Variants in C1orf21 observed in about 807,000 individuals in gnomAD.
The protein encoded by C1orf21 is uncharacterized protein C1orf21.
A neutral mutation model predicts 18.7 loss-of-function variants in C1orf21; 3 were observed. The observed-to-expected ratio is 0.16, with a 90% CI of 0.07 to 0.42. C1orf21 has a LOEUF of 0.42. C1orf21 is among the 10% of genes least tolerant of loss of function. The probability of loss-of-function intolerance (pLI) is 0.99; values close to 1 mark genes in which losing one functional copy is unlikely to be tolerated. For missense variants in C1orf21, 104 were observed against 143.6 expected, an observed-to-expected ratio of 0.72 and a Z score of 1.41; for synonymous variants, 41 against 46.4, an observed-to-expected ratio of 0.88 and a Z score of 0.47.
chr1:184,411,381 C>G (rs935567299), intron 1 of C1orf21, among the ~76,000 whole-genome samples: 3 of 150,674 alleles, frequency 2.0e-5, no homozygotes, highest in South Asian at 2.1e-4. Flanking sequence ...TTCCTTAAGC[C>G]AACGTAATGA....
Position 184,489,915 on chromosome 1 carries a change from T to C in C1orf21, c.94+12312T>C, listed in dbSNP as rs530284380. Among the ~76,000 whole-genome samples, 4 of 152,364 alleles carry C rather than the reference T, an allele frequency of 2.6e-5. No homozygotes were observed. In the South Asian group the frequency reaches 8.3e-4, roughly 32 times the overall value. ...TCTTCTTTGTATTTTTCTGTGTGTCTTGAATCTTTTATGTTTAACATTTAT... is the reference window on the plus strand; with the variant it reads ...TCTTCTTTGTATTTTTCTGTGTGTCCTGAATCTTTTATGTTTAACATTTAT... On this transcript the variant is annotated intron_variant, in intron 2 of 5. Transcript: ENST00000235307.
At chr1:184,445,498 G>A (rs1256172098) in intron 1 of C1orf21, among the ~76,000 whole-genome samples, 2 of 125,262 alleles carry the variant, frequency 1.6e-5, no homozygotes, top group African/African-American at 6.1e-5. Context: ...TTTTTTACCT[G>A]ATTCGACTAC....
Position 184,504,794 on chromosome 1 carries a change from T to A in C1orf21, c.95-2794T>A, listed in dbSNP as rs187754093. 5.6e-3 allele frequency among the ~76,000 whole-genome samples: 850 copies of A among 152,322 alleles called. 6 individuals are homozygous for A. The highest frequency in any genetic ancestry group is 7.8e-3 in the Non-Finnish European group (532 of 68,022). On this transcript the variant is annotated intron_variant, in intron 2 of 5. Transcript: ENST00000235307. Reference sequence around the variant, plus strand: ...GTCTGGCTTTGTAGTCGTGGCTGTTTGTTTTCTCTTCCTTTGTATCCAATC... The same window carrying A: ...GTCTGGCTTTGTAGTCGTGGCTGTTAGTTTTCTCTTCCTTTGTATCCAATC...
At chr1:184,443,914 G>T (rs1656989823) in intron 1 of C1orf21, among the ~76,000 whole-genome samples, 1 of 152,150 alleles carries the variant, frequency 6.6e-6, no homozygotes, top group African/African-American at 2.4e-5. Flanking sequence ...ATGACAGGGG[G>T]TATATGAGGG....
chr1:184,494,444 G>A (rs143851689), intron 2 of C1orf21, among the ~76,000 whole-genome samples: 2,030 of 152,294 alleles, frequency 0.013, 26 homozygotes, highest in Non-Finnish European at 0.021. Context: ...TAGACTATAG[G>A]AAGAGAGTGA....
chr1:184,412,186 A>G (rs2101962759), intron 1 of C1orf21: 1 of 152,346 alleles, frequency 6.6e-6, no homozygotes, highest in African/African-American at 2.4e-5. Context: ...AGCCAGGTTT[A>G]ATTTCTACTT....
intron 3 of C1orf21, among the ~76,000 whole-genome samples, chr1:184,590,245 C>T (rs1659418517): frequency 6.6e-6 from 1 of 152,164 alleles, no homozygotes; most frequent in Non-Finnish European, 1.5e-5. Context: ...TGTAGTAATT[C>T]AATTGAATTC....
chr1:184,398,170 A>T (rs953317004), intron 1 of C1orf21, among the ~76,000 whole-genome samples: 1 of 152,222 alleles, frequency 6.6e-6, no homozygotes, highest in African/African-American at 2.4e-5. Flanking sequence ...TGACAATAGT[A>T]ATAATGAAAG....
At chr1:184,515,361 C>T (rs910099768) in intron 3 of C1orf21, among the ~76,000 whole-genome samples, 2 of 152,098 alleles carry the variant, frequency 1.3e-5, no homozygotes, top group Admixed American at 1.3e-4. Flanking sequence ...TGGGAATCTG[C>T]AAGTAGAATT....
chr1:184,519,839 T>G (rs1484467038), intron 3 of C1orf21, among the ~76,000 whole-genome samples: 1 of 152,198 alleles, frequency 6.6e-6, no homozygotes. Flanking sequence ...CGACTTCATT[T>G]GTGAGCAAAT....
intron 5 of C1orf21, among the ~76,000 whole-genome samples, chr1:184,614,538 T>TG (rs1283561213): frequency 7.7e-6 from 1 of 130,324 alleles, no homozygotes; most frequent in Non-Finnish European, 1.6e-5. Context: ...CACCAGGGAC[T>TG]GGTTTTGTGG....
intron 1 of C1orf21, among the ~76,000 whole-genome samples, chr1:184,403,555 T>C (rs1571342368): frequency 6.6e-6 from 1 of 152,212 alleles, no homozygotes; most frequent in African/African-American, 2.4e-5. Flanking sequence ...TGTAGGTATG[T>C]ACATAATTGT....
intron 3 of C1orf21, among the ~76,000 whole-genome samples, chr1:184,551,038 TA>T (rs1658805373): frequency 6.6e-6 from 1 of 152,170 alleles, no homozygotes; most frequent in African/African-American, 2.4e-5. Context: ...AAATATATAG[TA>T]AAGCTAAAAA....
intron 3 of C1orf21, among the ~76,000 whole-genome samples, chr1:184,584,261 G>A (rs1025307264): frequency 4.7e-5 from 7 of 150,142 alleles, no homozygotes; most frequent in South Asian, 2.1e-4. Context: ...ATGCAAATGC[G>A]CCAACAAGTT....
chr1:184,408,514 G>A (rs1164902206), intron 1 of C1orf21: 1 of 152,206 alleles, frequency 6.6e-6, no homozygotes, highest in African/African-American at 2.4e-5. Flanking sequence ...CATCCCATCA[G>A]TGAGAAATCA....
At chr1:184,544,777 GCTGCCAAACTGTGGGCA>G (rs1435785077) in intron 3 of C1orf21, among the ~76,000 whole-genome samples, 3 of 152,174 alleles carry the variant, frequency 2.0e-5, no homozygotes, top group African/African-American at 7.2e-5. Context: ...TCATGAAGTT[GCTGCCAAACTGTGGGCA>G]GCAGCTGCAT....
rs77619392 is a variant in C1orf21 at position 184,411,722 on chromosome 1, G to A, written c.-125+24354G>A. On this transcript the variant is annotated intron_variant, in intron 1 of 5. Transcript: ENST00000235307. Reference sequence around the variant, plus strand: ...CAGGCGTGAGCCACCGCGCCCAGCCGGTTATGGGTATTTCTTAAGAAGCCA... The same window carrying A: ...CAGGCGTGAGCCACCGCGCCCAGCCAGTTATGGGTATTTCTTAAGAAGCCA... 1.4e-3 allele frequency among the ~76,000 whole-genome samples: 220 copies of A among 152,172 alleles called. 4 individuals carry two copies. The highest frequency in any genetic ancestry group is 4.7e-3 in the African/African-American group (196 of 41,530).
At chr1:184,392,997 T>G (rs564864178) in intron 1 of C1orf21, among the ~76,000 whole-genome samples, 91 of 151,790 alleles carry the variant, frequency 6.0e-4, no homozygotes, top group Non-Finnish European at 1.0e-3. Context: ...CTGGAGAGTT[T>G]TTGTGTTTTT....
intron 1 of C1orf21, among the ~76,000 whole-genome samples, chr1:184,433,280 T>G (rs1656798904): frequency 6.6e-6 from 1 of 151,842 alleles, no homozygotes; most frequent in African/African-American, 2.4e-5. Flanking sequence ...ACAGTGGCAC[T>G]GGGGCTCTCT....
Sources: allele counts gnomAD v4.1 joint callset (sites outside exome capture counted in the v4.1 genomes callset), GRCh38; gene constraint gnomAD v4.1.1; transcripts MANE v1.5; gene names NCBI Gene and HGNC (gene_info 2026-07-23, HGNC 2026-07-21).